Variants in SCML2 observed in about 807,000 individuals in gnomAD.
The protein encoded by SCML2 is Scm polycomb group protein like 2.
SCML2 carries 6 observed loss-of-function variants against 48.4 expected under a neutral mutation model. The ratio of observed to expected loss-of-function variants is 0.12; its 90% CI spans 0.07 to 0.24. The LOEUF is 0.24. Among genes scored for constraint, SCML2 ranks in the 10% least tolerant of loss-of-function variants. SCML2 has a pLI of 1.00. For synonymous variants in SCML2, 181 were observed against 189.5 expected (o/e 0.95, Z 0.37); for missense variants, 377 against 528.2 (o/e 0.71, Z 2.81).
Position 18,277,932 on chromosome X carries a change from C to T in SCML2, c.731-12130G>A, listed in dbSNP as rs142234957. Reference sequence around the variant, plus strand: ...CTGTAATCCCAGCACTTTGGGAAGCCGAGGCGGGAGGATCACTTGAGCTCG... The same window carrying T: ...CTGTAATCCCAGCACTTTGGGAAGCTGAGGCGGGAGGATCACTTGAGCTCG... On this transcript the variant is annotated intron_variant, in intron 7 of 14. Coordinates refer to ENST00000251900, the MANE Select transcript of SCML2 (RefSeq NM_006089.3). Among the ~76,000 whole-genome samples the T allele has an allele frequency of 0.013, 1,438 of 110,176 alleles. 56 individuals are homozygous for T. In the East Asian group the frequency reaches 0.13, roughly 10 times the overall value.
At chrX:18,242,667 T>C in intron 13 of SCML2, 77 bp from the exon 14 acceptor site, 1 of 1,035,769 alleles carries the variant, frequency 9.7e-7, no homozygotes, top group Admixed American at 3.0e-5. Flanking sequence ...AGGTAGGGAA[T>C]AATGGTCTCA....
chrX:18,333,625 G>C (rs907520136), intron 2 of SCML2, among the ~76,000 whole-genome samples: 1 of 111,953 alleles, frequency 8.9e-6, no homozygotes, highest in African/African-American at 3.2e-5. Flanking sequence ...GAGAGATACA[G>C]CGCTTGAAGG....
intron 7 of SCML2, among the ~76,000 whole-genome samples, chrX:18,274,705 C>G (rs1420105043): frequency 9.0e-6 from 1 of 111,008 alleles, no homozygotes; most frequent in Non-Finnish European, 1.9e-5. Context: ...CTGTGTAAAC[C>G]AAAAAATAAA....
chrX:18,329,049 CT>C (rs1412026180), intron 3 of SCML2, among the ~76,000 whole-genome samples: 1 of 111,534 alleles, frequency 9.0e-6, no homozygotes, highest in Non-Finnish European at 1.9e-5. Flanking sequence ...TACAGGATTT[CT>C]TTTTAGGGGG....
In SCML2 at chrX:18,299,770, C is replaced by T. The variant is rs190108217; in HGVS notation, c.730+5202G>A. Among the ~76,000 whole-genome samples the T allele has an allele frequency of 5.5e-3, 584 of 106,461 alleles. 2 individuals carry two copies. Among genetic ancestry groups the T allele is most frequent in the African/African-American group, 0.018 (525 of 29,064 alleles). The allele number at this position is 106,461 out of a possible 115,157, so 92.4% of individuals were successfully genotyped here. ...TTTTTTAAATAGAGACAAGGTCTCGCTTTGTTGCCCAGGCTGTAGTGCAGT... is the reference window on the plus strand; with the variant it reads ...TTTTTTAAATAGAGACAAGGTCTCGTTTTGTTGCCCAGGCTGTAGTGCAGT... On this transcript the variant is annotated intron_variant, in intron 7 of 14. Coordinates refer to ENST00000251900, the MANE Select transcript of SCML2 (RefSeq NM_006089.3).
In SCML2 at chrX:18,240,248, T is replaced by C. The variant is rs1926216307; in HGVS notation, c.*1003A>G. On this transcript the variant is annotated 3_prime_UTR_variant, in exon 15 of 15. Transcript: ENST00000251900. ...TATATACATAGTTCATCGTCACCTC[T>C]GTGGCAGTGCAAAGTGCCAGATTAA... The C allele has an allele frequency of 8.9e-6, 1 of 111,904 alleles. No homozygotes were observed. Among genetic ancestry groups the C allele is most frequent in the South Asian group, 3.7e-4 (1 of 2,669 alleles). The allele number at this position is 111,904 out of a possible 1,213,427, so 9.2% of individuals were successfully genotyped here.
At chrX:18,263,478 G>A (rs923055868) in intron 8 of SCML2, among the ~76,000 whole-genome samples, 2 of 111,590 alleles carry the variant, frequency 1.8e-5, no homozygotes, top group African/African-American at 6.5e-5. Flanking sequence ...TTCCTGCAGT[G>A]CTGGTTCGAC....
intron 1 of SCML2, among the ~76,000 whole-genome samples, chrX:18,340,480 C>G (rs769484816): frequency 1.3e-4 from 14 of 111,938 alleles, no homozygotes; most frequent in South Asian, 7.4e-4. Flanking sequence ...GATTGACGCT[C>G]AGGACAGAAG....
intron 5 of SCML2, among the ~76,000 whole-genome samples, 163 bp downstream of exon 5, chrX:18,323,696 G>C (rs2147542642): frequency 8.9e-6 from 1 of 111,771 alleles, no homozygotes; most frequent in African/African-American, 3.2e-5. Flanking sequence ...CTCCACAACA[G>C]ATGGTGCTGA....
intron 1 of SCML2, among the ~76,000 whole-genome samples, chrX:18,334,338 G>GGT (rs1353003943): frequency 2.7e-5 from 3 of 112,101 alleles, no homozygotes; most frequent in African/African-American, 9.7e-5. Flanking sequence ...ATTAGATAGT[G>GGT]GTGATGGTTA....
chrX:18,263,592 G>C (rs982767647), intron 8 of SCML2, among the ~76,000 whole-genome samples: 2 of 110,771 alleles, frequency 1.8e-5, no homozygotes, highest in African/African-American at 6.6e-5. Flanking sequence ...AGAGTAATAA[G>C]GAAAAGATTT....
intron 6 of SCML2, among the ~76,000 whole-genome samples, chrX:18,317,975 C>T (rs185867833): frequency 4.5e-5 from 5 of 111,135 alleles, no homozygotes; most frequent in Admixed American, 9.6e-5. Flanking sequence ...GATTCCCATC[C>T]CCTGCCCCCC....
chrX:18,334,215 T>C (rs1394574135), intron 1 of SCML2, 120 bp from the exon 2 acceptor site: 4 of 464,203 alleles, frequency 8.6e-6, no homozygotes, highest in Non-Finnish European at 1.1e-5. Flanking sequence ...ATGATAAGAT[T>C]TGTATATGCC....
Position 18,246,660 on chromosome X carries a change from G to A in SCML2, c.1739C>T (p.Thr580Ile). The change falls in exon 13 of 15, where the codon ACC becomes ATC. Residue 580 changes from threonine to isoleucine, a missense_variant. This residue lies in a region of SCML2 where 299 missense variants were observed against 425.5 expected (regional missense o/e 0.70). Coordinates refer to ENST00000251900, the MANE Select transcript of SCML2 (RefSeq NM_006089.3). ...SQDFSRSVPG[T>I]TSSPLVGDIS... The stretch of plus-strand genomic sequence containing the variant: ...GTCCCCAACTAGTGGTGAACTTGTG[G>A]TGCCTGGCACACTTCGAGAAAAATC... 8.3e-7 allele frequency: 1 copy of A among 1,210,012 alleles called. No individual in the cohort carries two copies. Among genetic ancestry groups the A allele is most frequent in the Non-Finnish European group, 1.1e-6 (1 of 893,802 alleles).
At position 18,324,042 on chromosome X, in the gene SCML2, G is replaced by A. The variant is rs144980753; in HGVS notation, c.214C>T (p.Arg72Cys). The A allele has an allele frequency of 4.1e-6, 5 of 1,210,400 alleles. No individual in the cohort carries two copies. Among genetic ancestry groups the A allele is most frequent in the Non-Finnish European group, 3.4e-6 (3 of 894,611 alleles). Residue 72 changes from arginine to cysteine, a missense_variant, in exon 5 of 15, where the codon CGT (arginine) becomes TGT (cysteine). Coordinates refer to ENST00000251900, the MANE Select transcript of SCML2 (RefSeq NM_006089.3). ...ACTGAAGTGGCATTGCGAGGGTCAC[G>A]GGCTTCCAATTTCATACCAACTTTG... ...DFKVGMKLEA[R>C]DPRNATSVCI...
chrX:18,260,228 G>A lies in SCML2; in HGVS notation c.1012C>T (p.Arg338Cys). The A allele has an allele frequency of 8.3e-7, 1 of 1,201,487 alleles. No individual in the cohort carries two copies. Among genetic ancestry groups the A allele is most frequent in the Non-Finnish European group, 1.1e-6 (1 of 887,995 alleles). Reference protein sequence around the residue: ...AASLKSLTRDRGMLYKDVASG... With the variant: ...AASLKSLTRDCGMLYKDVASG... ...GCGACATCTTTATATAACATGCCACGGTCTCTGGTCAGCGATTTTAGAGAA... is the reference window on the plus strand; with the variant it reads ...GCGACATCTTTATATAACATGCCACAGTCTCTGGTCAGCGATTTTAGAGAA... Residue 338 changes from arginine (R) to cysteine (C), a missense_variant, in exon 9 of 15, where the codon CGT (arginine) becomes TGT (cysteine). By Grantham distance (180) the Arg-to-Cys change is radical. Transcript: ENST00000251900.
At chrX:18,323,071 T>C (rs1358650163) in intron 5 of SCML2, among the ~76,000 whole-genome samples, 3 of 111,288 alleles carry the variant, frequency 2.7e-5, no homozygotes, top group African/African-American at 9.8e-5. Flanking sequence ...TCCATTCTTT[T>C]ATTGTGCTTT....
At chrX:18,345,246 T>C (rs1930160715) in intron 1 of SCML2, among the ~76,000 whole-genome samples, 1 of 111,423 alleles carries the variant, frequency 9.0e-6, no homozygotes, top group Non-Finnish European at 1.9e-5. Flanking sequence ...CAGTATCACA[T>C]CTCGTTCTTC....
chrX:18,305,946 C>T (rs1207055646), intron 6 of SCML2, among the ~76,000 whole-genome samples: 2 of 111,625 alleles, frequency 1.8e-5, no homozygotes, highest in Non-Finnish European at 3.8e-5. Flanking sequence ...TTAAAAGCAA[C>T]ATCTTTTCTT....
Sources: allele counts gnomAD v4.1 joint callset (sites outside exome capture counted in the v4.1 genomes callset), GRCh38; gene constraint gnomAD v4.1.1; regional missense constraint gnomAD v4.1.1; transcripts MANE v1.5; gene names NCBI Gene and HGNC (gene_info 2026-07-23, HGNC 2026-07-21).